EIF2B3: variants seen among roughly 807,000 people sequenced by gnomAD.
EIF2B3 encodes translation initiation factor eIF2B subunit gamma.
A neutral mutation model predicts 54.1 loss-of-function variants in EIF2B3; 20 were observed. The ratio of observed to expected loss-of-function variants is 0.37; its 90% CI spans 0.26 to 0.54. The LOEUF (loss-of-function observed/expected upper bound fraction) is 0.54. EIF2B3 is among the 20% of genes least tolerant of loss of function. The pLI, the probability that EIF2B3 is intolerant of heterozygous loss-of-function variation, is 0.86. For missense variants in EIF2B3, 448 were observed against 547.8 expected (o/e 0.82, Z 1.82); for synonymous variants, 153 against 188.1 (o/e 0.81, Z 1.52).
At chr1:44,907,473 G>A (rs1371411958) in intron 5 of EIF2B3, among the ~76,000 whole-genome samples, 10 of 152,184 alleles carry the variant, frequency 6.6e-5, no homozygotes, top group Non-Finnish European at 1.3e-4. Flanking sequence ...CAGGAGAATT[G>A]CTTGAACCAG....
At chr1:44,936,949 T>C (rs897740055) in intron 4 of EIF2B3, among the ~76,000 whole-genome samples, 3 of 152,166 alleles carry the variant, frequency 2.0e-5, no homozygotes, top group African/African-American at 7.2e-5. Flanking sequence ...AAAATGAAAT[T>C]CATGAAGATC....
intron 4 of EIF2B3, among the ~76,000 whole-genome samples, chr1:44,937,626 G>A (rs959118658): frequency 1.3e-5 from 2 of 151,740 alleles, no homozygotes; most frequent in Non-Finnish European, 2.9e-5. Context: ...GCTCACGCCT[G>A]TAATCCCAGC....
chr1:44,893,132 T>G (rs1655856481), intron 6 of EIF2B3, among the ~76,000 whole-genome samples: 1 of 152,224 alleles, frequency 6.6e-6, no homozygotes, highest in South Asian at 2.1e-4. Context: ...CCATCATATA[T>G]AGCTCACTGT....
At chr1:44,908,507 C>T (rs1221074979) in intron 5 of EIF2B3, among the ~76,000 whole-genome samples, 1 of 152,128 alleles carries the variant, frequency 6.6e-6, no homozygotes, top group Non-Finnish European at 1.5e-5. Context: ...AGTAAAAGGA[C>T]AAAGACATTA....
chr1:44,956,322 C>G (rs907883192), intron 3 of EIF2B3, among the ~76,000 whole-genome samples: 2 of 151,858 alleles, frequency 1.3e-5, no homozygotes, highest in Non-Finnish European at 2.9e-5. Context: ...AATGAGAACA[C>G]GTGGACATAG....
At chr1:44,982,744 G>A (rs908623501) in intron 1 of EIF2B3, among the ~76,000 whole-genome samples, 15 of 151,398 alleles carry the variant, frequency 9.9e-5, no homozygotes, top group Non-Finnish European at 1.8e-4. Context: ...GGGACTACAG[G>A]TGGGTACCAC....
chr1:44,878,024 G>A (rs1178468487), intron 8 of EIF2B3, among the ~76,000 whole-genome samples: 2 of 152,286 alleles, frequency 1.3e-5, no homozygotes, highest in East Asian at 1.9e-4. Flanking sequence ...TGGACACAGC[G>A]GTGCACCTGT....
intron 6 of EIF2B3, among the ~76,000 whole-genome samples, chr1:44,892,837 T>A (rs185141671): frequency 6.6e-4 from 100 of 152,268 alleles, no homozygotes; most frequent in Middle Eastern, 3.4e-3. Context: ...TTTGTTGTTA[T>A]TGAAGTAAAG....
At chr1:44,905,611 G>A (rs1008720892) in intron 5 of EIF2B3, among the ~76,000 whole-genome samples, 4 of 151,978 alleles carry the variant, frequency 2.6e-5, no homozygotes, top group African/African-American at 9.7e-5. Context: ...TGCTGAACTT[G>A]TTCTGTGTTA....
At chr1:44,968,282 C>T (rs1644365860) in intron 3 of EIF2B3, among the ~76,000 whole-genome samples, 1 of 149,160 alleles carries the variant, frequency 6.7e-6, no homozygotes, top group Non-Finnish European at 1.5e-5. Context: ...GGGAGGATGG[C>T]TTGAGCCCAG....
At chr1:44,962,718 A>C (rs1230415739) in intron 3 of EIF2B3, among the ~76,000 whole-genome samples, 1 of 152,124 alleles carries the variant, frequency 6.6e-6, no homozygotes, top group East Asian at 1.9e-4. Flanking sequence ...CCTGACCTAA[A>C]CATGTGTGTC....
chr1:44,922,242 T>C (rs1015596451), intron 5 of EIF2B3, among the ~76,000 whole-genome samples: 2 of 151,684 alleles, frequency 1.3e-5, no homozygotes, highest in Non-Finnish European at 2.9e-5. Flanking sequence ...GGATTGTTTT[T>C]TCTATTTCTG....
chr1:44,964,122 T>C (rs1157653180), intron 3 of EIF2B3, among the ~76,000 whole-genome samples: 1 of 135,100 alleles, frequency 7.4e-6, no homozygotes, highest in Non-Finnish European at 1.6e-5. Context: ...TCCATTGAGA[T>C]TTCTTGGCCA....
chr1:44,883,680 A>G (rs1020280163), intron 6 of EIF2B3, among the ~76,000 whole-genome samples: 1 of 152,202 alleles, frequency 6.6e-6, no homozygotes, highest in Non-Finnish European at 1.5e-5. Context: ...GATTTGAGTA[A>G]TAATAAAATT....
intron 4 of EIF2B3, among the ~76,000 whole-genome samples, chr1:44,934,291 G>C (rs1031091885): frequency 6.6e-6 from 1 of 151,796 alleles, no homozygotes; most frequent in Non-Finnish European, 1.5e-5. Context: ...CCAGCTACTC[G>C]GGAGGCTGAG....
intron 8 of EIF2B3, among the ~76,000 whole-genome samples, chr1:44,877,186 G>A (rs1655195163): frequency 2.2e-5 from 1 of 44,592 alleles, no homozygotes; most frequent in Non-Finnish European, 4.0e-5. Context: ...ACCCAAGAAT[G>A]ATCAATAAAA....
chr1:44,911,719 T>C (rs953675077), intron 5 of EIF2B3, among the ~76,000 whole-genome samples: 9 of 152,214 alleles, frequency 5.9e-5, no homozygotes, highest in Admixed American at 1.3e-4. Flanking sequence ...TTTGTTTTTT[T>C]ATTATACTTT....
intron 11 of EIF2B3, among the ~76,000 whole-genome samples, chr1:44,855,103 A>G (rs1188236056): frequency 6.6e-6 from 1 of 151,930 alleles, no homozygotes; most frequent in Non-Finnish European, 1.5e-5. Context: ...AAAAAAAAAA[A>G]AAGAAGAAGT....
At chr1:44,899,295 A>G (rs771317309) in intron 5 of EIF2B3, among the ~76,000 whole-genome samples, 1 of 152,220 alleles carries the variant, frequency 6.6e-6, no homozygotes, top group Non-Finnish European at 1.5e-5. Context: ...TTTTACTCAA[A>G]TAAGATCTCA....
Sources: allele counts gnomAD v4.1 joint callset (sites outside exome capture counted in the v4.1 genomes callset), GRCh38; gene constraint gnomAD v4.1.1; transcripts MANE v1.5; gene names NCBI Gene and HGNC (gene_info 2026-07-23, HGNC 2026-07-21).